The following SBK1 variants were observed in gnomAD, a reference collection of about 807,000 sequenced individuals.
The protein encoded by SBK1 is SH3 domain binding kinase 1.
SBK1 carries 11 observed loss-of-function variants against 24.4 expected under a neutral mutation model. The ratio of observed to expected loss-of-function variants is 0.45; its 90% CI spans 0.28 to 0.75. SBK1 has a LOEUF of 0.75. Ranked by LOEUF, SBK1 falls within the 30% of genes least tolerant of loss-of-function variation. The pLI is 0.12. For missense variants in SBK1, 467 were observed against 620.5 expected (o/e 0.75, Z 2.63); for synonymous variants, 308 against 284.4 (o/e 1.08, Z -0.83).
intron 1 of SBK1, among the ~76,000 whole-genome samples, chr16:28,284,091 A>G (rs577379756): frequency 1.4e-4 from 22 of 152,090 alleles, no homozygotes; most frequent in Non-Finnish European, 2.9e-4. Context: ...CACGGTGGTG[A>G]CTGAGTTGGT....
In SBK1 at chr16:28,322,501, G is replaced by C. The variant is rs760167634; in HGVS notation, c.*1580G>C. 2.0e-5 allele frequency: 3 copies of C among 152,812 alleles called. No homozygotes were observed. Among genetic ancestry groups the C allele is most frequent in the Admixed American group, 6.5e-5 (1 of 15,276 alleles). 9.5% of individuals were successfully genotyped at this position (152,812 alleles called of 1,614,324 possible). A position where few individuals can be genotyped will look rare whatever the true frequency, so the allele number is the denominator to read the frequency against. ...GGCCAGGCCGGCCAGAGTGAACTCC[G>C]AGCACTTTCTGGCTGGTGCCCCAAC... On this transcript the variant is annotated 3_prime_UTR_variant, in exon 4 of 4. Coordinates refer to ENST00000341901, the MANE Select transcript of SBK1 (RefSeq NM_001024401.3).
At chr16:28,302,980 C>T (rs1448448285) in intron 1 of SBK1, among the ~76,000 whole-genome samples, 2 of 150,864 alleles carry the variant, frequency 1.3e-5, no homozygotes, top group Non-Finnish European at 3.0e-5. Flanking sequence ...GTCAGGAGTG[C>T]AGTAGGGCAA....
In SBK1 at chr16:28,259,460, G is replaced by A. The variant is rs2044383613; in HGVS notation, c.215G>A (p.Arg72Lys). 1.0e-6 allele frequency: 1 copy of A among 986,272 alleles called. No individual in the cohort carries two copies. Among genetic ancestry groups the A allele is most frequent in the Non-Finnish European group, 1.2e-6 (1 of 830,600 alleles). 61.1% of individuals were successfully genotyped at this position (986,272 alleles called of 1,614,324 possible). ...GCCTTCTGCTTCGTCTGCTTCCACA[G>A]GGAGGAGGAAGAGGAGCTGCTGGAA... The change falls in exon 1 of 4, where the codon AGG becomes AAG. Residue 72 changes from arginine (R) to lysine (K), a missense_variant. Transcript: ENST00000671413. The surrounding 1 kb of genome is among the most constrained non-coding windows in gnomAD (Gnocchi z 6.0).
At chr16:28,278,427 A>G (rs1006915425) in intron 1 of SBK1, among the ~76,000 whole-genome samples, 3 of 151,058 alleles carry the variant, frequency 2.0e-5, no homozygotes, top group African/African-American at 7.3e-5. Flanking sequence ...CTGCATCCTC[A>G]GCCTCCCAGG....
intron 1 of SBK1, among the ~76,000 whole-genome samples, chr16:28,266,759 C>A (rs11647982): frequency 0.26 from 32,158 of 124,204 alleles, 3,998 homozygotes; most frequent in Non-Finnish European, 0.3. Context: ...AAAAAAAAAA[C>A]AAAACAGGAT....
intron 1 of SBK1, among the ~76,000 whole-genome samples, chr16:28,308,203 T>C (rs2044729823): frequency 6.6e-6 from 1 of 152,130 alleles, no homozygotes; most frequent in South Asian, 2.1e-4. Flanking sequence ...CAGGCTGGAG[T>C]GCAATGGCAC....
At chr16:28,269,270 G>A (rs1270528374) in intron 1 of SBK1, among the ~76,000 whole-genome samples, 1 of 151,634 alleles carries the variant, frequency 6.6e-6, no homozygotes, top group African/African-American at 2.4e-5. Flanking sequence ...CCCGACCACA[G>A]GTGATTCACC....
At chr16:28,307,439 G>C (rs372880604) in intron 1 of SBK1, among the ~76,000 whole-genome samples, 13 of 152,302 alleles carry the variant, frequency 8.5e-5, no homozygotes, top group East Asian at 7.7e-4. Flanking sequence ...AAATGACAGA[G>C]TAAAAATTAC....
intron 1 of SBK1, among the ~76,000 whole-genome samples, chr16:28,260,224 C>T (rs2044389323): frequency 6.6e-6 from 1 of 152,032 alleles, no homozygotes; most frequent in African/African-American, 2.4e-5. Flanking sequence ...ATGAGTGCTG[C>T]ATACCTATGT....
chr16:28,295,649 C>T (rs946659475), intron 1 of SBK1, among the ~76,000 whole-genome samples: 4 of 152,106 alleles, frequency 2.6e-5, no homozygotes, highest in Admixed American at 6.5e-5. Context: ...AGCCTATAGA[C>T]GATTTTTGTT....
At chr16:28,305,723 G>A (rs889878695) in intron 1 of SBK1, among the ~76,000 whole-genome samples, 2 of 150,512 alleles carry the variant, frequency 1.3e-5, no homozygotes, top group Non-Finnish European at 3.0e-5. Context: ...TAGAGACCAT[G>A]TTTCAACATG....
At chr16:28,288,236 G>A (rs375065073), upstream of SBK1, among the ~76,000 whole-genome samples, 8 of 152,192 alleles carry the variant, frequency 5.3e-5, no homozygotes, top group African/African-American at 1.4e-4. Flanking sequence ...GTGTCTCCAC[G>A]AACAGACGCG....
intron 1 of SBK1, among the ~76,000 whole-genome samples, chr16:28,316,782 G>T (rs2044799408): frequency 6.6e-6 from 1 of 152,212 alleles, no homozygotes; most frequent in Non-Finnish European, 1.5e-5. Flanking sequence ...AGGAGGCTGA[G>T]ATGGGAGGAT....
At chr16:28,277,939 T>G (rs943974772) in intron 1 of SBK1, among the ~76,000 whole-genome samples, 1 of 152,274 alleles carries the variant, frequency 6.6e-6, no homozygotes, top group Non-Finnish European at 1.5e-5. Flanking sequence ...AGTCTCTTGT[T>G]TAGCCACAGA....
At chr16:28,263,291 C>G (rs2044408437) in intron 1 of SBK1, among the ~76,000 whole-genome samples, 1 of 152,122 alleles carries the variant, frequency 6.6e-6, no homozygotes, top group Non-Finnish European at 1.5e-5. Context: ...GGGAGTCAAA[C>G]AAAACACAAG....
At chr16:28,310,752 C>T (rs1407831299) in intron 1 of SBK1, among the ~76,000 whole-genome samples, 4 of 152,116 alleles carry the variant, frequency 2.6e-5, no homozygotes, top group Non-Finnish European at 4.4e-5. Flanking sequence ...GTCCTGAGAA[C>T]GGCCAGGCAG....
chr16:28,281,821 T>C (rs894123027), intron 1 of SBK1, among the ~76,000 whole-genome samples: 1 of 151,938 alleles, frequency 6.6e-6, no homozygotes, highest in African/African-American at 2.4e-5. Context: ...GGCGAGAAGC[T>C]GGAGAAGGGG....
rs1299786000 is a variant in SBK1 at position 28,321,118 on chromosome 16, TG to T, written c.*198del. On this transcript the variant is annotated 3_prime_UTR_variant, in exon 4 of 4. Transcript: ENST00000341901. ...ACCAAAGACCCCTAGCGCGGCCTGG[TG>T]AGCGGGGGCTTGGCCCAGAGGAGCC... 1.8e-5 allele frequency: 8 copies of T among 439,286 alleles called. No homozygotes were observed. In the Admixed American group the frequency reaches 3.5e-4, roughly 19 times the overall value. 27.2% of individuals were successfully genotyped at this position (439,286 alleles called of 1,614,324 possible). A position where few individuals can be genotyped will look rare whatever the true frequency, so the allele number is the denominator to read the frequency against.
chr16:28,273,668 A>G (rs2044480494), intron 1 of SBK1, among the ~76,000 whole-genome samples: 1 of 152,204 alleles, frequency 6.6e-6, no homozygotes, highest in African/African-American at 2.4e-5. Flanking sequence ...TCCTGAGCTC[A>G]AGCAGTCCAC....
Sources: allele counts gnomAD v4.1 joint callset (sites outside exome capture counted in the v4.1 genomes callset), GRCh38; gene constraint gnomAD v4.1.1; non-coding constraint Gnocchi (gnomAD v3.1); transcripts MANE v1.5; gene names NCBI Gene and HGNC (gene_info 2026-07-23, HGNC 2026-07-21).